The following MAT2B variants were observed in gnomAD, a reference collection of about 807,000 sequenced individuals.
MAT2B encodes the protein methionine adenosyltransferase 2 non-catalytic beta subunit.
A neutral mutation model predicts 36.1 loss-of-function variants in MAT2B; 16 were observed. That is an observed-to-expected ratio of 0.44 (90% CI 0.30 to 0.67). MAT2B has a LOEUF of 0.67. MAT2B is among the 30% of genes least tolerant of loss of function. MAT2B has a pLI of 0.09. For synonymous variants in MAT2B, 148 were observed against 136.9 expected (o/e 1.08, Z -0.57); for missense variants, 332 against 398.2 (o/e 0.83, Z 1.42).
chr5:163,507,051 C>T (rs1229651727), intron 1 of MAT2B, among the ~76,000 whole-genome samples: 1 of 149,962 alleles, frequency 6.7e-6, no homozygotes, highest in Non-Finnish European at 1.5e-5. Context: ...CCTAAGTAGT[C>T]AGAGAATCTT....
intron 1 of MAT2B, among the ~76,000 whole-genome samples, chr5:163,508,377 A>ACCTAAAATTACC (rs1217949284): frequency 6.6e-6 from 1 of 151,784 alleles, no homozygotes. Context: ...AGCTGAGATT[A>ACCTAAAATTACC]TAGGCGCCCA....
Position 163,517,569 on chromosome 5 carries a change from A to C in MAT2B, c.729A>C (p.Ser243=), listed in dbSNP as rs750463856. 2 of 1,599,466 alleles carry C rather than the reference A, an allele frequency of 1.3e-6. No individual in the cohort carries two copies. The highest frequency in any genetic ancestry group is 2.7e-5 in the African/African-American group (2 of 74,628). ...QLAEKRMLDP[S]IKGTFHWSGN... Reference sequence around the variant, plus strand: ...TGTGTCATCGTTCTTAGGATCCATCAATTAAGGGAACCTTTCACTGGTCTG... The same window carrying C: ...TGTGTCATCGTTCTTAGGATCCATCCATTAAGGGAACCTTTCACTGGTCTG... The change falls in exon 6 of 7, where the codon TCA becomes TCC. Residue 243 remains serine, a synonymous_variant. Transcript: ENST00000321757.
At chr5:163,517,836 A>G in intron 6 of MAT2B, 162 bp downstream of exon 6, 2 of 542,150 alleles carry the variant, frequency 3.7e-6, no homozygotes, top group Non-Finnish European at 6.7e-6. Flanking sequence ...AGAGAAGATC[A>G]TGAGTATTGA....
intron 4 of MAT2B, among the ~76,000 whole-genome samples, chr5:163,515,029 A>AAG: frequency 6.6e-6 from 1 of 152,272 alleles, no homozygotes; most frequent in African/African-American, 2.4e-5. Flanking sequence ...GAAGAGCAGA[A>AAG]AGGGATGTGC....
At chr5:163,516,833 G>A (rs928143320) in intron 5 of MAT2B, 122 bp downstream of exon 5, 17 of 912,540 alleles carry the variant, frequency 1.9e-5, no homozygotes, top group South Asian at 2.9e-5. Context: ...TTTAAAACTA[G>A]GAGACCAAAC....
intron 1 of MAT2B, among the ~76,000 whole-genome samples, chr5:163,507,006 A>C (rs923019016): frequency 6.6e-6 from 1 of 152,204 alleles, no homozygotes; most frequent in South Asian, 2.1e-4. Flanking sequence ...TCTGTGGAGC[A>C]CAGTAGCGTC....
In MAT2B at chr5:163,517,595, G is replaced by T; in HGVS notation, c.755G>T (p.Gly252Val). Residue 252 changes from glycine to valine, a missense_variant, in exon 6 of 7, where the codon GGC becomes GTC. Transcript: ENST00000321757. ...ATTAAGGGAACCTTTCACTGGTCTG[G>T]CAATGAACAGATGACTAAGTATGAA... Reference protein sequence around the residue: ...PSIKGTFHWSGNEQMTKYEMA... With the variant: ...PSIKGTFHWSVNEQMTKYEMA... The T allele has an allele frequency of 6.2e-7, 1 of 1,613,146 alleles. No individual in the cohort carries two copies. The highest frequency in any genetic ancestry group is 1.1e-5 in the South Asian group (1 of 91,060).
intron 4 of MAT2B, among the ~76,000 whole-genome samples, chr5:163,515,013 A>G (rs1647709983): frequency 6.6e-6 from 1 of 152,140 alleles, no homozygotes; most frequent in African/African-American, 2.4e-5. Context: ...CTGTGTTCTC[A>G]CGGCAGAAGA....
At chr5:163,503,108 A>G (rs1759874159), upstream of MAT2B, 1 of 394,856 alleles carries the variant, frequency 2.5e-6, no homozygotes, top group Non-Finnish European at 4.6e-6. Flanking sequence ...TCTACCAAAT[A>G]GTTTTGCAAA....
At chr5:163,505,589 T>TAGGGGAGGCGGGCCGAGGGCGTCTG (rs1581211454), upstream of MAT2B, 4 of 1,247,562 alleles carry the variant, frequency 3.2e-6, no homozygotes, top group East Asian at 1.3e-4. Flanking sequence ...GTTCTGGGCC[T>TAGGGGAGGCGGGCCGAGGGCGTCTG]AGGGGAGGCG....
At chr5:163,507,581 T>C (rs1476349362) in intron 1 of MAT2B, among the ~76,000 whole-genome samples, 3 of 152,234 alleles carry the variant, frequency 2.0e-5, no homozygotes, top group Admixed American at 6.5e-5. Context: ...ATCAACTCTT[T>C]ATTGTGCCTT....
intron 5 of MAT2B, chr5:163,517,354 G>C (rs546867984): frequency 3.2e-6 from 1 of 315,766 alleles, no homozygotes; most frequent in African/African-American, 2.1e-5. Flanking sequence ...AAATTCTTAA[G>C]GTTTAAATTC....
chr5:163,512,545 T>A, intron 2 of MAT2B: 1 of 380,372 alleles, frequency 2.6e-6, no homozygotes, highest in Non-Finnish European at 5.0e-6. Context: ...CTCAGAGAGG[T>A]TTTCGGTATC....
At chr5:163,517,200 C>T (rs1267682663) in intron 5 of MAT2B, 5 of 193,590 alleles carry the variant, frequency 2.6e-5, no homozygotes, top group African/African-American at 4.7e-5. Flanking sequence ...TTTAGCTCAA[C>T]TTGAAAAATG....
intron 3 of MAT2B, 62 bp downstream of exon 3, chr5:163,513,731 A>C (rs1356740459): frequency 6.5e-7 from 1 of 1,532,330 alleles, no homozygotes; most frequent in Non-Finnish European, 9.0e-7. Context: ...TTTAGAAATT[A>C]AGGTTTTGTA....
chr5:163,516,258 C>G (rs139043507), intron 4 of MAT2B, among the ~76,000 whole-genome samples: 2 of 152,044 alleles, frequency 1.3e-5, no homozygotes, highest in Non-Finnish European at 2.9e-5. Context: ...CTATGATGCC[C>G]GGGCTGATCT....
chr5:163,507,006 A>ACAGTAGCGTCG lies in MAT2B; in HGVS notation c.63+1264_63+1274dup, dbSNP rs1759957058. Reference sequence around the variant, plus strand: ...TTGTTAGTAATACTGTCTGTGGAGCACAGTAGCGTCGCAGTAGAAGTTAGA... The same window carrying ACAGTAGCGTCG: ...TTGTTAGTAATACTGTCTGTGGAGCACAGTAGCGTCGCAGTAGCGTCGCAGTAGAAGTTAGA... On this transcript the variant is annotated intron_variant, in intron 1 of 6. Transcript: ENST00000321757. Among the ~76,000 whole-genome samples, 5 of 152,204 alleles carry ACAGTAGCGTCG rather than the reference A, an allele frequency of 3.3e-5. No homozygotes were observed. In the South Asian group the frequency reaches 1.0e-3, roughly 31 times the overall value.
chr5:163,508,517 C>T (rs1014099500), intron 1 of MAT2B, among the ~76,000 whole-genome samples: 12 of 152,236 alleles, frequency 7.9e-5, no homozygotes, highest in African/African-American at 2.9e-4. Context: ...GGATTACAGG[C>T]GTGAGCCCTG....
rs77437261 is a variant in MAT2B at position 163,518,211 on chromosome 5, C to T, written c.853C>T (p.Leu285=). The T allele has an allele frequency of 1.2e-5, 19 of 1,610,042 alleles. No homozygotes were observed. The East Asian group carries it at 4.0e-4, about 34-fold the overall frequency. ...HLRPITDSPV[L]GAQRPRNAQL... ...TTTAAAGATTACTGACAGCCCTGTC[C>T]TAGGAGCACAACGTCCGAGAAATGC... The change falls in exon 7 of 7, where the codon CTA becomes TTA. Residue 285 remains leucine (L), a synonymous_variant. Coordinates refer to ENST00000321757, the MANE Select transcript of MAT2B (RefSeq NM_013283.5).
Sources: gnomAD v4.1 joint callset for allele counts (sites outside exome capture counted in the v4.1 genomes callset) on GRCh38, gnomAD v4.1.1 for gene constraint, MANE v1.5 for transcripts, NCBI Gene and HGNC (gene_info 2026-07-23, HGNC 2026-07-21) for gene names.